INTS6L: variants seen among roughly 807,000 people sequenced by gnomAD.
The protein encoded by INTS6L is integrator complex subunit 6-like.
Under a neutral mutation model 64.7 loss-of-function variants are expected in INTS6L, and 18 were observed. The observed-to-expected ratio is 0.28, with a 90% confidence interval of 0.19 to 0.41. INTS6L has a LOEUF of 0.41. Among genes scored for constraint, INTS6L ranks in the 10% least tolerant of loss-of-function variants. The pLI, the probability that INTS6L is intolerant of heterozygous loss-of-function variation, is 1.00. For missense variants in INTS6L, 533 were observed against 661.0 expected (o/e 0.81, Z 2.12); for synonymous variants, 227 against 235.9 (o/e 0.96, Z 0.34).
At position 135,546,804 on chromosome X, in the gene INTS6L, G is replaced by A; in HGVS notation, c.532G>A (p.Val178Met). 1 of 1,211,782 alleles carries A rather than the reference G, an allele frequency of 8.3e-7. No individual in the cohort carries two copies. Among genetic ancestry groups the A allele is most frequent in the Non-Finnish European group, 1.1e-6 (1 of 895,441 alleles). Residue 178 changes from valine (V) to methionine (M), a missense_variant, in exon 5 of 18, where the codon GTG becomes ATG. By Grantham distance (21) the Val-to-Met change is conservative. Coordinates refer to ENST00000639893, the MANE Select transcript of INTS6L (RefSeq NM_001351601.3). ...TGCCCTGGTGTTGCGTTTGCCTGGAGTGGCTTCTACCGAACCAGAGCAACT... is the reference window on the plus strand; with the variant it reads ...TGCCCTGGTGTTGCGTTTGCCTGGAATGGCTTCTACCGAACCAGAGCAACT... ...LFALVLRLPG[V>M]ASTEPEQLGS...
Position 135,552,122 on chromosome X carries a change from A to G in INTS6L, c.1035A>G (p.Arg345=). The change falls in exon 8 of 18, where the codon CGA becomes CGG. Residue 345 remains arginine, a synonymous_variant. Transcript: ENST00000639893. ...PSPLTQYILE[R]KSPHTCWQVF... ...CCTTAACTCAGTATATCTTGGAACG[A>G]AAGTCTCCCCATACCTGCTGGCAGG... 8.3e-7 allele frequency: 1 copy of G among 1,202,765 alleles called. No homozygotes were observed. The highest frequency in any genetic ancestry group is 1.1e-6 in the Non-Finnish European group (1 of 892,642).
chrX:135,522,593 T>C (rs184955180), intron 2 of INTS6L, among the ~76,000 whole-genome samples: 19 of 112,014 alleles, frequency 1.7e-4, no homozygotes, highest in Non-Finnish European at 3.6e-4. Flanking sequence ...ATAATCGTAA[T>C]AGTGCTAGGG....
At chrX:135,533,746 T>C (rs781806409) in intron 2 of INTS6L, among the ~76,000 whole-genome samples, 1 of 112,376 alleles carries the variant, frequency 8.9e-6, no homozygotes, top group East Asian at 2.8e-4. Context: ...TTAGTCTCAC[T>C]CCTGTCCATG....
intron 2 of INTS6L, among the ~76,000 whole-genome samples, chrX:135,538,399 T>G (rs1364302073): frequency 8.9e-6 from 1 of 112,380 alleles, no homozygotes; most frequent in East Asian, 2.8e-4. Flanking sequence ...TTGAAGCAAT[T>G]CAGTCACATC....
Position 135,521,116 on chromosome X carries a change from G to T in INTS6L, c.111+13G>T. On this transcript the variant is annotated intron_variant, in intron 1 of 17. Transcript: ENST00000639893. ...GTTATTCTTGAAGGTAAAGGGAGGGGAGGGGAGAGATGGGGAGAGCTCCCG... is the reference window on the plus strand; with the variant it reads ...GTTATTCTTGAAGGTAAAGGGAGGGTAGGGGAGAGATGGGGAGAGCTCCCG... 1 of 1,205,093 alleles carries T rather than the reference G, an allele frequency of 8.3e-7. No individual in the cohort carries two copies. The highest frequency in any genetic ancestry group is 1.1e-6 in the Non-Finnish European group (1 of 890,139).
intron 9 of INTS6L, among the ~76,000 whole-genome samples, chrX:135,556,989 A>G (rs1177950647): frequency 3.6e-5 from 4 of 112,214 alleles, no homozygotes; most frequent in Non-Finnish European, 5.6e-5. Context: ...TCATACGATC[A>G]TTAAAACTAT....
chrX:135,554,462 T>A (rs2086588240), intron 8 of INTS6L, among the ~76,000 whole-genome samples: 1 of 111,985 alleles, frequency 8.9e-6, no homozygotes. Context: ...GTACAACTCA[T>A]GTTCTGTGGG....
intron 9 of INTS6L, among the ~76,000 whole-genome samples, chrX:135,564,584 T>C (rs111291314): frequency 0.024 from 2,606 of 109,255 alleles, 79 homozygotes; most frequent in African/African-American, 0.082. Context: ...ATACAAAAAT[T>C]AGCCAGGCAT....
chrX:135,563,653 ATATAGC>A (rs1480537101), intron 9 of INTS6L, among the ~76,000 whole-genome samples: 2 of 3,019 alleles, frequency 6.6e-4, no homozygotes, highest in Admixed American at 3.3e-3. Flanking sequence ...ATATATATAT[ATATAGC>A]TATATATATA....
chrX:135,547,198 A>G lies in INTS6L; in HGVS notation c.675A>G (p.Gln225=), dbSNP rs782082653. 1.7e-6 allele frequency: 2 copies of G among 1,210,961 alleles called. No individual in the cohort carries two copies. The highest frequency in any genetic ancestry group is 5.9e-5 in the East Asian group (2 of 33,822). ...ATCAATGTTTAGAATCTCTAGTTCAAAAAGTTCAGAGTGGTGTAGTTATTA... is the reference window on the plus strand; with the variant it reads ...ATCAATGTTTAGAATCTCTAGTTCAGAAAGTTCAGAGTGGTGTAGTTATTA... ...MLNQCLESLV[Q]KVQSGVVINF... is the part of the protein sequence containing the mutation. Residue 225 remains glutamine, a synonymous_variant, in exon 6 of 18, where the codon CAA becomes CAG. Coordinates refer to ENST00000639893, the MANE Select transcript of INTS6L (RefSeq NM_001351601.3).
At chrX:135,526,170 A>C (rs2085729738) in intron 2 of INTS6L, among the ~76,000 whole-genome samples, 1 of 111,493 alleles carries the variant, frequency 9.0e-6, no homozygotes, top group African/African-American at 3.3e-5. Flanking sequence ...ACTTGCAAGC[A>C]GCCACTCAGT....
At chrX:135,535,046 G>A (rs978878411) in intron 2 of INTS6L, among the ~76,000 whole-genome samples, 11 of 111,029 alleles carry the variant, frequency 9.9e-5, no homozygotes, top group South Asian at 3.8e-4. Flanking sequence ...TCCTTTGAGC[G>A]TTGAAGTATA....
chrX:135,554,856 C>T (rs1472271675), intron 8 of INTS6L, among the ~76,000 whole-genome samples: 3 of 98,768 alleles, frequency 3.0e-5, no homozygotes, highest in Non-Finnish European at 6.1e-5. Context: ...TTTTAATCTT[C>T]ACTGAATGTT....
intron 2 of INTS6L, among the ~76,000 whole-genome samples, chrX:135,531,235 T>C (rs1319448162): frequency 8.9e-6 from 1 of 112,556 alleles, no homozygotes; most frequent in African/African-American, 3.2e-5. Flanking sequence ...TCACTTCCTA[T>C]ATTCTGTTTC....
intron 2 of INTS6L, among the ~76,000 whole-genome samples, chrX:135,527,786 G>A (rs1306864288): frequency 9.0e-6 from 1 of 111,404 alleles, no homozygotes; most frequent in Non-Finnish European, 1.9e-5. Context: ...AGTTGAAATT[G>A]CCTAGTTTTG....
intron 9 of INTS6L, among the ~76,000 whole-genome samples, chrX:135,561,967 C>G (rs148468172): frequency 3.2e-3 from 359 of 111,468 alleles, no homozygotes; most frequent in Non-Finnish European, 5.7e-3. Context: ...TTTTATTAAT[C>G]TCATCAAAGA....
rs1569511655 is a variant in INTS6L at position 135,556,314 on chromosome X, G to A, written c.1192+14G>A. On this transcript the variant is annotated intron_variant, in intron 9 of 17. Transcript: ENST00000639893. The stretch of plus-strand genomic sequence containing the variant: ...TTCCTCTTTTAGGTAAGTAAAACAT[G>A]TGCCACTGAATCATCTTTAAAATAC... The A allele has an allele frequency of 8.8e-7, 1 of 1,141,356 alleles. No individual in the cohort carries two copies. Among genetic ancestry groups the A allele is most frequent in the East Asian group, 3.2e-5 (1 of 31,357 alleles). The allele number at this position is 1,141,356 out of a possible 1,213,427, so 94.1% of individuals were successfully genotyped here.
intron 9 of INTS6L, among the ~76,000 whole-genome samples, chrX:135,558,344 G>T (rs1323487677): frequency 4.5e-5 from 5 of 111,677 alleles, no homozygotes; most frequent in Non-Finnish European, 9.4e-5. Context: ...AGATATATTT[G>T]CACACCCATG....
At chrX:135,526,996 TAA>T (rs1556501615) in intron 2 of INTS6L, among the ~76,000 whole-genome samples, 1 of 112,172 alleles carries the variant, frequency 8.9e-6, no homozygotes, top group East Asian at 2.8e-4. Context: ...TTTTACAAGA[TAA>T]GTGTATATAT....
Sources: allele counts gnomAD v4.1 joint callset (sites outside exome capture counted in the v4.1 genomes callset), GRCh38; gene constraint gnomAD v4.1.1; transcripts MANE v1.5; gene names NCBI Gene and HGNC (gene_info 2026-07-23, HGNC 2026-07-21).